The following ERICH1 variants were observed in gnomAD, a reference collection of about 807,000 sequenced individuals.
The protein encoded by ERICH1 is glutamate-rich protein 1.
In ERICH1, 56 loss-of-function variants were observed where a neutral mutation model predicts 39.6. The ratio of observed to expected loss-of-function variants is 1.41; its 90% CI spans 1.14 to 1.77. ERICH1 has a LOEUF of 1.77. Ranked by LOEUF, ERICH1 falls within the 40% of genes most tolerant of loss-of-function variation. The pLI is 0.00. For synonymous variants in ERICH1, 313 were observed against 223.6 expected (o/e 1.40, Z -3.57); for missense variants, 826 against 575.4 (o/e 1.44, Z -4.45).
intron 1 of ERICH1, among the ~76,000 whole-genome samples, chr8:726,761 ACAG>A (rs1818812255): frequency 6.6e-6 from 1 of 152,058 alleles, no homozygotes; most frequent in East Asian, 1.9e-4. Context: ...CACACCACAC[ACAG>A]ACACATGTAC....
chr8:633,840 A>G (rs1325903458), intron 3 of ERICH1, among the ~76,000 whole-genome samples: 1 of 152,246 alleles, frequency 6.6e-6, no homozygotes, highest in Admixed American at 6.5e-5. Context: ...ATCCACACGC[A>G]AAGGAATGAA....
chr8:685,945 G>C (rs188195003), intron 3 of ERICH1, among the ~76,000 whole-genome samples: 3 of 144,978 alleles, frequency 2.1e-5, no homozygotes, highest in African/African-American at 7.8e-5. Context: ...AGCGGTTCGA[G>C]ACCAGCCTGG....
At chr8:719,561 C>G (rs891679477) in intron 1 of ERICH1, among the ~76,000 whole-genome samples, 3 of 152,200 alleles carry the variant, frequency 2.0e-5, no homozygotes, top group African/African-American at 7.2e-5. Context: ...CCAACAAACA[C>G]TGTGGAGGAG....
At chr8:717,509 T>A (rs1001599508) in intron 1 of ERICH1, among the ~76,000 whole-genome samples, 1 of 152,206 alleles carries the variant, frequency 6.6e-6, no homozygotes, top group African/African-American at 2.4e-5. Flanking sequence ...AAAAATCCAA[T>A]GGTCACATTT....
chr8:624,395 C>G (rs549323131), intron 3 of ERICH1, among the ~76,000 whole-genome samples: 23 of 152,360 alleles, frequency 1.5e-4, no homozygotes, highest in Admixed American at 2.6e-4. Flanking sequence ...CCACACGAAC[C>G]TGCAGTTCTA....
chr8:715,815 T>A, intron 2 of ERICH1, 46 bp downstream of exon 2: 1 of 1,574,760 alleles, frequency 6.4e-7, no homozygotes, highest in Non-Finnish European at 8.6e-7. Context: ...ATGACGGAGG[T>A]TAACTTCAGT....
intron 3 of ERICH1, among the ~76,000 whole-genome samples, chr8:630,311 C>G (rs1255158868): frequency 8.0e-6 from 1 of 124,804 alleles, no homozygotes; most frequent in Non-Finnish European, 1.7e-5. Flanking sequence ...ACCACCCACA[C>G]AGACAGAGCT....
chr8:625,027 A>T lies in ERICH1; in HGVS notation c.977-9743T>A, dbSNP rs563272357. Among the ~76,000 whole-genome samples the T allele has an allele frequency of 2.6e-5, 4 of 152,262 alleles. No individual in the cohort carries two copies. In the East Asian group the frequency reaches 7.8e-4, roughly 30 times the overall value. ...AGGCGTGAGCCACTGCACCCGGCCTACACACTTTTAAACACTCAGGCTTCC... is the reference window on the plus strand; with the variant it reads ...AGGCGTGAGCCACTGCACCCGGCCTTCACACTTTTAAACACTCAGGCTTCC... On this transcript the variant is annotated intron_variant, in intron 3 of 3. Coordinates refer to the ERICH1 transcript ENST00000522706.
chr8:666,436 C>T (rs900934426), intron 5 of ERICH1: 16 of 152,326 alleles, frequency 1.1e-4, no homozygotes, highest in African/African-American at 2.9e-4. Context: ...AGAGGCCTGA[C>T]AACCCACCAG....
At chr8:639,477 G>A (rs1798736032) in intron 3 of ERICH1, among the ~76,000 whole-genome samples, 1 of 152,174 alleles carries the variant, frequency 6.6e-6, no homozygotes, top group Non-Finnish European at 1.5e-5. Context: ...GTCACTCTGG[G>A]CAAACCACAA....
chr8:727,683 G>C (rs1819095362), intron 1 of ERICH1, among the ~76,000 whole-genome samples: 1 of 152,224 alleles, frequency 6.6e-6, no homozygotes, highest in African/African-American at 2.4e-5. Flanking sequence ...GTGCCTACCA[G>C]GAGGAGGCCT....
chr8:708,699 T>TTTGTTTTTTTTTTTTTTG (rs1813988267), intron 2 of ERICH1, among the ~76,000 whole-genome samples: 1 of 135,906 alleles, frequency 7.4e-6, no homozygotes, highest in Non-Finnish European at 1.6e-5. Flanking sequence ...TTTTTTTTTT[T>TTTGTTTTTTTTTTTTTTG]TTTTTTTTTT....
Position 668,797 on chromosome 8 carries a change from A to C in ERICH1, c.1064-5T>G, listed in dbSNP as rs764492648. ...AAGCTGCATCTCTGGAGACACCTACATAAAGTCAGTTTTGCTTGGAAATAC... is the reference window on the plus strand; with the variant it reads ...AAGCTGCATCTCTGGAGACACCTACCTAAAGTCAGTTTTGCTTGGAAATAC... On this transcript the variant is annotated splice_polypyrimidine_tract_variant and splice_region_variant and intron_variant, in intron 4 of 5. Coordinates refer to ENST00000262109, the MANE Select transcript of ERICH1 (RefSeq NM_207332.3). The C allele has an allele frequency of 6.3e-7, 1 of 1,582,814 alleles. No homozygotes were observed. The highest frequency in any genetic ancestry group is 8.6e-7 in the Non-Finnish European group (1 of 1,166,106).
At chr8:665,269 C>A (rs1247631363) in intron 5 of ERICH1, among the ~76,000 whole-genome samples, 1 of 152,206 alleles carries the variant, frequency 6.6e-6, no homozygotes, top group South Asian at 2.1e-4. Flanking sequence ...GTCCCCGGCT[C>A]CGACCTCTGA....
chr8:671,639 G>A (rs941517107), intron 4 of ERICH1, among the ~76,000 whole-genome samples: 1 of 151,272 alleles, frequency 6.6e-6, no homozygotes, highest in Non-Finnish European at 1.5e-5. Context: ...TGGTCCCCAG[G>A]CTCCGACCTC....
At chr8:641,834 C>T (rs1247726408) in intron 3 of ERICH1, among the ~76,000 whole-genome samples, 1 of 152,214 alleles carries the variant, frequency 6.6e-6, no homozygotes, top group Non-Finnish European at 1.5e-5. Flanking sequence ...ATCAACGCCC[C>T]GGCTCTGTGC....
chr8:699,384 T>C (rs1282228520), intron 2 of ERICH1, among the ~76,000 whole-genome samples: 1 of 152,020 alleles, frequency 6.6e-6, no homozygotes, highest in Non-Finnish European at 1.5e-5. Context: ...ACCACGACAT[T>C]TCAAGTAATT....
chr8:622,646 G>A (rs1342818242), intron 3 of ERICH1, among the ~76,000 whole-genome samples: 1 of 152,074 alleles, frequency 6.6e-6, no homozygotes, highest in Non-Finnish European at 1.5e-5. Context: ...AGCTTCACTA[G>A]CAAATTCTAT....
At position 629,882 on chromosome 8, in the gene ERICH1, C is replaced by G. The variant is rs1475942169; in HGVS notation, c.977-14598G>C. On this transcript the variant is annotated intron_variant, in intron 3 of 3. Transcript: ENST00000522706. ...CACACAGACAGAGCTGACTCACACC[C>G]TCCTGTGAGCACCCACACAGACAGA... is the stretch of plus-strand genomic sequence containing the variant. 7.1e-3 allele frequency among the ~76,000 whole-genome samples: 929 copies of G among 131,502 alleles called. 37 individuals carry two copies. The highest frequency in any genetic ancestry group is 0.028 in the African/African-American group (878 of 30,840). The allele number at this position is 131,502 out of a possible 152,430, so 86.3% of individuals were successfully genotyped here. A position where few individuals can be genotyped will look rare whatever the true frequency, so the allele number is the denominator to read the frequency against.
Sources: gnomAD v4.1 joint callset for allele counts (sites outside exome capture counted in the v4.1 genomes callset) on GRCh38, gnomAD v4.1.1 for gene constraint, MANE v1.5 for transcripts, NCBI Gene and HGNC (gene_info 2026-07-23, HGNC 2026-07-21) for gene names.